Variants in PITHD1 observed in about 807,000 individuals in gnomAD.
PITHD1 encodes the protein PITH domain containing 1.
PITHD1 carries 8 observed loss-of-function variants against 27.5 expected under a neutral mutation model. The ratio of observed to expected loss-of-function variants is 0.29; its 90% CI spans 0.17 to 0.52. The LOEUF is 0.52. Ranked by LOEUF, PITHD1 falls within the 20% of genes least tolerant of loss-of-function variation. PITHD1 has a pLI of 0.96. For missense variants in PITHD1, 233 were observed against 283.9 expected (o/e 0.82, Z 1.29); for synonymous variants, 118 against 106.8 (o/e 1.10, Z -0.64).
At chr1:23,783,399 G>GA (rs1638635879) in intron 3 of PITHD1, among the ~76,000 whole-genome samples, 1 of 65,144 alleles carries the variant, frequency 1.5e-5, no homozygotes, top group Non-Finnish European at 2.9e-5. Context: ...ACATATATAC[G>GA]CATATATACA....
In PITHD1 at chr1:23,779,886, A is replaced by C. The variant is rs759315402; in HGVS notation, c.265A>C (p.Lys89Gln). 6.2e-7 allele frequency: 1 copy of C among 1,613,636 alleles called. No homozygotes were observed. Among genetic ancestry groups the C allele is most frequent in the African/African-American group, 1.3e-5 (1 of 74,904 alleles). Residue 89 changes from lysine (K) to glutamine (Q), a missense_variant, in exon 3 of 6, where the codon AAA becomes CAA. Coordinates refer to ENST00000246151, the MANE Select transcript of PITHD1 (RefSeq NM_020362.5). ...CAGATTTACGGGCAATGTCAAGCTCAAAGGCATCATTATAATGGGAGAGGA... is the reference window on the plus strand; with the variant it reads ...CAGATTTACGGGCAATGTCAAGCTCCAAGGCATCATTATAATGGGAGAGGA... ...NIPFTGNVKL[K>Q]GIIIMGEDDD...
intron 1 of PITHD1, among the ~76,000 whole-genome samples, chr1:23,779,107 A>G (rs1341752639): frequency 6.6e-6 from 1 of 152,204 alleles, no homozygotes; most frequent in Non-Finnish European, 1.5e-5. Flanking sequence ...GTGGGGTCGC[A>G]GGCCCCTTTG....
intron 5 of PITHD1, among the ~76,000 whole-genome samples, chr1:23,786,771 T>C (rs1037463716): frequency 2.0e-5 from 3 of 151,916 alleles, no homozygotes; most frequent in African/African-American, 7.3e-5. Flanking sequence ...TTTGTATTTT[T>C]AGTAGAGACA....
At chr1:23,778,736 C>A in intron 1 of PITHD1, 23 bp downstream of exon 1, 1 of 1,223,662 alleles carries the variant, frequency 8.2e-7, no homozygotes, top group Non-Finnish European at 1.0e-6. Context: ...GGGCTTGGGG[C>A]GGGCGGGGCA....
intron 3 of PITHD1, among the ~76,000 whole-genome samples, chr1:23,782,618 T>C (rs932673710): frequency 5.3e-5 from 8 of 152,016 alleles, no homozygotes; most frequent in African/African-American, 1.7e-4. Flanking sequence ...TTTATATAGT[T>C]TGAGATAGGG....
At chr1:23,778,753 G>C (rs560039338) in intron 1 of PITHD1, 40 bp downstream of exon 1, 15 of 1,146,060 alleles carry the variant, frequency 1.3e-5, no homozygotes, top group Non-Finnish European at 1.6e-5. Context: ...GGCAGGGTGC[G>C]TGTGGGGCCT....
intron 3 of PITHD1, among the ~76,000 whole-genome samples, chr1:23,780,590 A>T (rs1638581863): frequency 6.6e-6 from 1 of 152,160 alleles, no homozygotes. Flanking sequence ...CCAATAAAAG[A>T]TGATATATAG....
In PITHD1 at chr1:23,788,132, T is replaced by G. The variant is rs751777314; in HGVS notation, c.*756T>G. The stretch of plus-strand genomic sequence containing the variant: ...AATGTTTATTAGCTTCTAACTAGTG[T>G]TGTAAGTCCGATGCCAGAATTTGGA... On this transcript the variant is annotated 3_prime_UTR_variant, in exon 6 of 6. Transcript: ENST00000246151. 6.6e-6 allele frequency: 1 copy of G among 152,252 alleles called. No individual in the cohort carries two copies. Among genetic ancestry groups the G allele is most frequent in the Non-Finnish European group, 1.5e-5 (1 of 68,058 alleles). The allele number at this position is 152,252 out of a possible 1,614,324, so 9.4% of individuals were successfully genotyped here.
Position 23,778,598 on chromosome 1 carries a change from C to G in PITHD1, c.83C>G (p.Ala28Gly). The change falls in exon 1 of 6, where the codon GCC becomes GGC. Residue 28 changes from alanine to glycine, a missense_variant. Ala to Gly is a moderately conservative substitution (Grantham distance 60, BLOSUM62 0). Coordinates refer to ENST00000246151, the MANE Select transcript of PITHD1 (RefSeq NM_020362.5). ...GAGCCGCCCGAGCAGCGCGGCCTGG[C>G]CTACGGCCTGTACCTGCGCATCGAC... ...REEPPEQRGL[A>G]YGLYLRIDLE... 1.5e-6 allele frequency: 2 copies of G among 1,329,558 alleles called. No individual in the cohort carries two copies. The highest frequency in any genetic ancestry group is 1.9e-6 in the Non-Finnish European group (2 of 1,041,338). 82.4% of individuals were successfully genotyped at this position (1,329,558 alleles called of 1,614,324 possible).
intron 1 of PITHD1, among the ~76,000 whole-genome samples, chr1:23,779,120 A>T (rs1203390231): frequency 6.6e-6 from 1 of 152,178 alleles, no homozygotes; most frequent in Non-Finnish European, 1.5e-5. Flanking sequence ...CCCCTTTGCT[A>T]TCTGTTTGAA....
intron 4 of PITHD1, 46 bp downstream of exon 4, chr1:23,785,825 C>A: frequency 9.1e-7 from 1 of 1,099,296 alleles, no homozygotes; most frequent in Non-Finnish European, 1.4e-6. Context: ...TCTTATAGGG[C>A]TTGCCATTTA....
At chr1:23,781,389 G>A (rs921180885) in intron 3 of PITHD1, among the ~76,000 whole-genome samples, 3 of 151,716 alleles carry the variant, frequency 2.0e-5, no homozygotes, top group Non-Finnish European at 4.4e-5. Flanking sequence ...CTTGAACCGC[G>A]GAGGTGCAGG....
Position 23,778,697 on chromosome 1 carries a change from G to T in PITHD1, c.182G>T (p.Arg61Leu). ...GGCGTCTTCAAGCCGTGGGAGGAGCGGACCGACCGCTCCAAGGTGGGCCGC... is the reference window on the plus strand; with the variant it reads ...GGCGTCTTCAAGCCGTGGGAGGAGCTGACCGACCGCTCCAAGGTGGGCCGC... Reference protein sequence around the residue: ...GRGVFKPWEERTDRSKFVESD... With the variant: ...GRGVFKPWEELTDRSKFVESD... The change falls in exon 1 of 6, where the codon CGG becomes CTG. Residue 61 changes from arginine (R) to leucine (L), a missense_variant. Transcript: ENST00000246151. 1 of 1,300,290 alleles carries T rather than the reference G, an allele frequency of 7.7e-7. No individual in the cohort carries two copies. Among genetic ancestry groups the T allele is most frequent in the Non-Finnish European group, 9.7e-7 (1 of 1,025,688 alleles). 80.5% of individuals were successfully genotyped at this position (1,300,290 alleles called of 1,614,324 possible).
intron 2 of PITHD1, 89 bp downstream of exon 2, chr1:23,779,570 A>C (rs1243003027): frequency 2.0e-6 from 2 of 1,014,974 alleles, no homozygotes; most frequent in East Asian, 4.7e-5. Context: ...AAGAGCACAC[A>C]TTTGCTTCTA....
intron 1 of PITHD1, 68 bp downstream of exon 1, chr1:23,778,781 C>A: frequency 2.2e-6 from 2 of 924,564 alleles, no homozygotes; most frequent in Middle Eastern, 3.8e-4. Flanking sequence ...TCGGTCTACT[C>A]ATTTCTGATG....
intron 3 of PITHD1, among the ~76,000 whole-genome samples, chr1:23,783,856 T>A (rs1638645408): frequency 6.6e-6 from 1 of 152,234 alleles, no homozygotes. Flanking sequence ...AAAATGTTGA[T>A]CATCGAAGAT....
intron 3 of PITHD1, among the ~76,000 whole-genome samples, chr1:23,783,083 G>C (rs1042857434): frequency 1.3e-5 from 2 of 151,660 alleles, no homozygotes; most frequent in Admixed American, 6.6e-5. Context: ...TGCAAGCTCC[G>C]CCTCCTGGGT....
In PITHD1 at chr1:23,779,749, A is replaced by C. The variant is rs1404154222; in HGVS notation, c.243-115A>C. 25 of 779,712 alleles carry C rather than the reference A, an allele frequency of 3.2e-5. No individual in the cohort carries two copies. The East Asian group carries it at 5.9e-4, about 18-fold the overall frequency. 48.3% of individuals were successfully genotyped at this position (779,712 alleles called of 1,614,324 possible). On this transcript the variant is annotated intron_variant, in intron 2 of 5. Coordinates refer to ENST00000246151, the MANE Select transcript of PITHD1 (RefSeq NM_020362.5). ...AGGATCTTAGAAATTATCTAGTACA[A>C]GTTGACAGATGAGTAAACTGAAGCC...
At chr1:23,782,987 G>GTATTTTATTTTATTT (rs368279605) in intron 3 of PITHD1, among the ~76,000 whole-genome samples, 3 of 151,792 alleles carry the variant, frequency 2.0e-5, no homozygotes, top group Admixed American at 2.0e-4. Flanking sequence ...TTAAATATAT[G>GTATTTTATTTTATTT]TATTTTATTT....
Sources: gnomAD v4.1 joint callset for allele counts (sites outside exome capture counted in the v4.1 genomes callset) on GRCh38, gnomAD v4.1.1 for gene constraint, MANE v1.5 for transcripts, NCBI Gene and HGNC (gene_info 2026-07-23, HGNC 2026-07-21) for gene names.